Variants in BRCC3 observed in about 807,000 individuals in gnomAD.
The protein encoded by BRCC3 is lys-63-specific deubiquitinase BRCC36.
BRCC3 carries 15 observed loss-of-function variants against 28.0 expected under a neutral mutation model. The ratio of observed to expected loss-of-function variants is 0.54; its 90% CI spans 0.36 to 0.82. The LOEUF (loss-of-function observed/expected upper bound fraction) is 0.82, where lower values mean the gene tolerates loss of function less well. Ranked by LOEUF, BRCC3 falls within the 40% of genes least tolerant of loss-of-function variation. The probability of loss-of-function intolerance (pLI) is 0.01; values close to 1 mark genes in which losing one functional copy is unlikely to be tolerated. For missense variants in BRCC3, 109 were observed against 225.9 expected, an observed-to-expected ratio of 0.48 and a Z score of 3.32; for synonymous variants, 66 against 80.3, an observed-to-expected ratio of 0.82 and a Z score of 0.95.
At chrX:155,078,988 A>C (rs1557293936) in intron 5 of BRCC3, 1 of 224,296 alleles carries the variant, frequency 4.5e-6, no homozygotes, top group African/African-American at 2.9e-5. Context: ...AGACTTAAAG[A>C]TATTAAAGGG....
chrX:155,098,181 A>G (rs782053339), intron 7 of BRCC3, among the ~76,000 whole-genome samples: 1 of 112,230 alleles, frequency 8.9e-6, no homozygotes, highest in East Asian at 2.8e-4. Context: ...CTAGTTTTCT[A>G]ATAAATACAT....
chrX:155,107,064 C>T (rs1557297626), intron 7 of BRCC3, among the ~76,000 whole-genome samples: 1 of 110,983 alleles, frequency 9.0e-6, no homozygotes, highest in South Asian at 3.7e-4. Context: ...TGTTATTTTT[C>T]CTTGAAACAC....
At chrX:155,073,919 C>G (rs1437024247) in intron 3 of BRCC3, among the ~76,000 whole-genome samples, 1 of 111,592 alleles carries the variant, frequency 9.0e-6, no homozygotes, top group Non-Finnish European at 1.9e-5. Context: ...ATGCTTCTCA[C>G]CTAATCGTGG....
chrX:155,095,663 G>C (rs1463563275), intron 7 of BRCC3, among the ~76,000 whole-genome samples: 3 of 111,647 alleles, frequency 2.7e-5, no homozygotes, highest in African/African-American at 9.8e-5. Context: ...GTTTCCAGTA[G>C]TGTACAGTAA....
At chrX:155,098,256 G>A (rs782587455) in intron 7 of BRCC3, among the ~76,000 whole-genome samples, 1 of 112,030 alleles carries the variant, frequency 8.9e-6, no homozygotes, top group Non-Finnish European at 1.9e-5. Context: ...TAGTAAGGCA[G>A]TTCTGATGTT....
intron 8 of BRCC3, among the ~76,000 whole-genome samples, chrX:155,116,390 G>C (rs1315133593): frequency 4.5e-5 from 5 of 111,594 alleles, no homozygotes; most frequent in African/African-American, 1.6e-4. Flanking sequence ...TGCTACTTTG[G>C]ATCTTTCAAG....
intron 7 of BRCC3, among the ~76,000 whole-genome samples, chrX:155,100,408 A>G (rs782323637): frequency 8.9e-6 from 1 of 112,583 alleles, no homozygotes; most frequent in African/African-American, 3.2e-5. Context: ...ATGCAGTCCA[A>G]GTTCACACAT....
rs2074169187 is a variant in BRCC3 at position 155,090,789 on chromosome X, C to T, written c.498C>T (p.Gly166=). Reference sequence around the variant, plus strand: ...TTTCTTTTTTCCTTTGATAGACTGGCCGGGTACTCTACACTTGCTTCCAAT... The same window carrying T: ...TTTCTTTTTTCCTTTGATAGACTGGTCGGGTACTCTACACTTGCTTCCAAT... ...CFIEDKNTKT[G]RVLYTCFQSI... is the part of the protein sequence containing the mutation. The change falls in exon 7 of 11, where the codon GGC becomes GGT. Residue 166 remains glycine, a synonymous_variant. Coordinates refer to ENST00000330045, the MANE Select transcript of BRCC3 (RefSeq NM_001018055.3). 1 of 1,193,926 alleles carries T rather than the reference C, an allele frequency of 8.4e-7. No individual in the cohort carries two copies. Among genetic ancestry groups the T allele is most frequent in the Non-Finnish European group, 1.1e-6 (1 of 882,579 alleles).
intron 7 of BRCC3, among the ~76,000 whole-genome samples, chrX:155,091,523 C>T (rs928888547): frequency 1.8e-5 from 2 of 111,242 alleles, no homozygotes; most frequent in Non-Finnish European, 3.8e-5. Flanking sequence ...CCGCCTGCCT[C>T]GGCCTCCTAA....
rs139059181 is a variant in BRCC3, at chrX:155,119,464, A to G, written c.725-535A>G. 7.1e-3 allele frequency among the ~76,000 whole-genome samples: 802 copies of G among 112,319 alleles called. 8 individuals carry two copies. Among genetic ancestry groups the G allele is most frequent in the African/African-American group, 0.024 (750 of 30,857 alleles). ...ACCATGAAGCTGAACAGTCACAGTA[A>G]AGCATAAAAGATGGTAACTCCCTTA... On this transcript the variant is annotated intron_variant, in intron 9 of 10. Transcript: ENST00000330045.
rs1412298354 is a variant in BRCC3, at chrX:155,121,940, A to G, written c.*736A>G. On this transcript the variant is annotated 3_prime_UTR_variant, in exon 11 of 11. Coordinates refer to ENST00000330045, the MANE Select transcript of BRCC3 (RefSeq NM_001018055.3). ...TTAGGCGTTCCAGACCAGCCTGGGCAACATAGTGAGACTCTTGTCTCTACA... is the reference window on the plus strand; with the variant it reads ...TTAGGCGTTCCAGACCAGCCTGGGCGACATAGTGAGACTCTTGTCTCTACA... 1 of 111,633 alleles carries G rather than the reference A, an allele frequency of 9.0e-6. No individual in the cohort carries two copies. The highest frequency in any genetic ancestry group is 2.8e-4 in the East Asian group (1 of 3,572). 9.2% of individuals were successfully genotyped at this position (111,633 alleles called of 1,213,427 possible).
chrX:155,093,778 T>G (rs1234061610), intron 7 of BRCC3, among the ~76,000 whole-genome samples: 1 of 109,090 alleles, frequency 9.2e-6, no homozygotes, highest in Non-Finnish European at 1.9e-5. Flanking sequence ...TTTCTAGAAC[T>G]CCTATCAGTC....
chrX:155,119,020 A>G (rs1436676017), intron 9 of BRCC3, among the ~76,000 whole-genome samples: 1 of 112,006 alleles, frequency 8.9e-6, no homozygotes, highest in Non-Finnish European at 1.9e-5. Context: ...TAGGAAGGTG[A>G]TAGCCTAAGA....
intron 7 of BRCC3, among the ~76,000 whole-genome samples, chrX:155,104,780 C>T (rs919838421): frequency 1.4e-4 from 16 of 112,743 alleles, no homozygotes; most frequent in African/African-American, 4.2e-4. Flanking sequence ...TAAGGTTCAT[C>T]CTAGCATTCT....
At chrX:155,116,828 T>A in intron 9 of BRCC3, 74 bp downstream of exon 9, 1 of 824,569 alleles carries the variant, frequency 1.2e-6, no homozygotes, top group Non-Finnish European at 1.8e-6. Flanking sequence ...CAGATGCAAA[T>A]TTAGTTTAAG....
At chrX:155,075,955 C>T (rs1444927207) in intron 3 of BRCC3, among the ~76,000 whole-genome samples, 2 of 112,142 alleles carry the variant, frequency 1.8e-5, no homozygotes, top group Non-Finnish European at 3.8e-5. Context: ...TCTGTTCCCC[C>T]CACTTCCCAC....
In BRCC3 at chrX:155,116,702, A is replaced by G. The variant is rs140398462; in HGVS notation, c.681-9A>G. 2.2e-3 allele frequency: 2,514 copies of G among 1,166,423 alleles called. 34 individuals carry two copies. The African/African-American group carries it at 0.038, about 17-fold the overall frequency. ...CTTTGCCACTAACCTAAACTATTTT[A>G]TTCTTTAGCCTTACACATCTGGACT... On this transcript the variant is annotated splice_polypyrimidine_tract_variant and intron_variant, in intron 8 of 10. Coordinates refer to ENST00000330045, the MANE Select transcript of BRCC3 (RefSeq NM_001018055.3).
chrX:155,089,268 C>T lies in BRCC3; in HGVS notation c.409C>T (p.Arg137Cys). The T allele has an allele frequency of 8.6e-7, 1 of 1,168,997 alleles. No homozygotes were observed. Among genetic ancestry groups the T allele is most frequent in the Middle Eastern group, 3.3e-4 (1 of 3,071 alleles). Residue 137 changes from arginine (R) to cysteine (C), a missense_variant, in exon 6 of 11, where the codon CGC (arginine) becomes TGC (cysteine). By Grantham distance (180) the Arg-to-Cys change is radical. Transcript: ENST00000330045. ...ITVWPSHVDV[R>C]TQAMYQMMDQ... ...AAATTTTCATTTATTTTCAGATGTT[C>T]GCACACAAGCCATGTACCAGATGAT... is the stretch of plus-strand genomic sequence containing the variant.
At chrX:155,114,742 AAAAAG>A (rs1409379222) in intron 7 of BRCC3, among the ~76,000 whole-genome samples, 3 of 111,057 alleles carry the variant, frequency 2.7e-5, no homozygotes, top group South Asian at 7.6e-4. Flanking sequence ...AGTTAAAAAA[AAAAAG>A]AGAATGAAAT....
Sources: allele counts gnomAD v4.1 joint callset (sites outside exome capture counted in the v4.1 genomes callset), GRCh38; gene constraint gnomAD v4.1.1; transcripts MANE v1.5; gene names NCBI Gene and HGNC (gene_info 2026-07-23, HGNC 2026-07-21).